Variants in NCOR2 observed in about 807,000 individuals in gnomAD.
NCOR2 encodes the protein CTG repeat protein 26.
Under a neutral mutation model 262.9 loss-of-function variants are expected in NCOR2, and 81 were observed. That is an observed-to-expected ratio of 0.31 (90% CI 0.26 to 0.37). NCOR2 has a LOEUF of 0.37. NCOR2 is among the 10% of genes least tolerant of loss of function. The pLI is 1.00. For missense variants in NCOR2, 3,385 were observed against 3,621.4 expected, an observed-to-expected ratio of 0.93 and a Z score of 1.68; for synonymous variants, 1,659 against 1,559.3, an observed-to-expected ratio of 1.06 and a Z score of -1.51.
rs2048858545 is a variant in NCOR2 at position 124,503,500 on chromosome 12, G to GATGGATT, written c.-117-8133_-117-8132insAATCCAT. Among the ~76,000 whole-genome samples the GATGGATT allele has an allele frequency of 3.4e-5, 4 of 118,282 alleles. No homozygotes were observed. Among genetic ancestry groups the GATGGATT allele is most frequent in the African/African-American group, 1.9e-4 (4 of 21,490 alleles). 77.6% of individuals were successfully genotyped at this position (118,282 alleles called of 152,430 possible). A position where few individuals can be genotyped will look rare whatever the true frequency, so the allele number is the denominator to read the frequency against. ...ATGGATGGATGATGGATTGATGGAT[G>GATGGATT]GATGGATGGATGGACAGAGGATGGA... On this transcript the variant is annotated intron_variant, in intron 1 of 46. Transcript: ENST00000404621. The surrounding 1 kb of genome is among the most constrained non-coding windows in gnomAD (Gnocchi z 4.3).
In NCOR2 at chr12:124,552,481, G is replaced by C. The variant is rs533358539; in HGVS notation, c.-165+14827C>G. ...TCTTCAGCCACAGCCCCCAGGTCAA[G>C]GTCAAGAAACTGAGGGGTCACTTAA... On this transcript the variant is annotated intron_variant, in intron 1 of 32. Coordinates refer to the NCOR2 transcript ENST00000458234. 1.8e-4 allele frequency among the ~76,000 whole-genome samples: 27 copies of C among 152,288 alleles called. No individual in the cohort carries two copies. The South Asian group carries it at 5.6e-3, about 32-fold the overall frequency.
chr12:124,567,525 T>G (rs1266991878), upstream of NCOR2: 1 of 145,860 alleles, frequency 6.9e-6, no homozygotes, highest in Admixed American at 6.8e-5. Context: ...GGCGCAGGGC[T>G]CGGGCGGGGC....
intron 25 of NCOR2, 71 bp from the exon 28 acceptor site, chr12:124,354,653 C>T (rs1272786339): frequency 3.5e-6 from 5 of 1,411,170 alleles, no homozygotes; most frequent in African/African-American, 1.4e-5. Flanking sequence ...CCCCACCCAA[C>T]CTGAGCCAGG....
At chr12:124,547,049 G>A (rs2051566821) in intron 1 of NCOR2, among the ~76,000 whole-genome samples, 1 of 152,048 alleles carries the variant, frequency 6.6e-6, no homozygotes, top group African/African-American at 2.4e-5. Flanking sequence ...GAGTGCAATG[G>A]TGCAATCTCG....
rs1219264253 is a variant in NCOR2 at position 124,481,993 on chromosome 12, T to A, written c.411+1603A>T. Among the ~76,000 whole-genome samples, 1 of 151,904 alleles carries A rather than the reference T, an allele frequency of 6.6e-6. No individual in the cohort carries two copies. Among genetic ancestry groups the A allele is most frequent in the African/African-American group, 2.4e-5 (1 of 41,400 alleles). ...GAATTGAGATATTTTAGGGCAGAGG[T>A]GTCAGGATTTGCTGATGGACTGGAA... is the stretch of plus-strand genomic sequence containing the variant. On this transcript the variant is annotated intron_variant, in intron 3 of 46. Coordinates refer to ENST00000405201, the Ensembl canonical transcript of NCOR2. This position sits in a 1 kb window ranked among gnomAD's most constrained non-coding sequence, Gnocchi z 4.6.
chr12:124,536,645 C>T (rs2051122930), upstream of NCOR2, among the ~76,000 whole-genome samples: 1 of 152,224 alleles, frequency 6.6e-6, no homozygotes, highest in Non-Finnish European at 1.5e-5. Flanking sequence ...AAACATGAGA[C>T]AGACAACATC....
intron 41 of NCOR2, among the ~76,000 whole-genome samples, chr12:124,333,917 TGCATGTGTGTGC>T (rs1566353892): frequency 1.5e-3 from 138 of 89,740 alleles, no homozygotes; most frequent in South Asian, 3.0e-3. Flanking sequence ...TGTGCGGGTG[TGCATGTGTGTGC>T]GCGCGCATGT....
rs2044004784 is a variant in NCOR2 at position 124,432,298 on chromosome 12, C to G, written c.883-1511G>C. Among the ~76,000 whole-genome samples, 1 of 152,154 alleles carries G rather than the reference C, an allele frequency of 6.6e-6. No homozygotes were observed. Among genetic ancestry groups the G allele is most frequent in the African/African-American group, 2.4e-5 (1 of 41,430 alleles). On this transcript the variant is annotated intron_variant, in intron 8 of 46. Transcript: ENST00000405201. The surrounding 1 kb of genome is among the most constrained non-coding windows in gnomAD (Gnocchi z 5.1). ...TGCATGGCTATCCAGCAGACGGGGG[C>G]CCCTGAAGAAAACCCACAGACTTCC...
In NCOR2 at chr12:124,526,563, C is replaced by A. The variant is rs184683563; in HGVS notation, c.-118+9002G>T. 1.4e-3 allele frequency among the ~76,000 whole-genome samples: 216 copies of A among 152,236 alleles called. 1 individual carries two copies. Among genetic ancestry groups the A allele is most frequent in the African/African-American group, 4.8e-3 (198 of 41,532 alleles). On this transcript the variant is annotated intron_variant, in intron 1 of 46. Transcript: ENST00000404621. ...TGGACAGCGAACGAGGACAAGACTGCCCCCAGCCACCCCCATCCTCTGTCC... is the reference window on the plus strand; with the variant it reads ...TGGACAGCGAACGAGGACAAGACTGACCCCAGCCACCCCCATCCTCTGTCC...
intron 46 of NCOR2, among the ~76,000 whole-genome samples, chr12:124,325,813 C>T (rs1243113471): frequency 6.6e-6 from 1 of 152,202 alleles, no homozygotes; most frequent in Non-Finnish European, 1.5e-5. Flanking sequence ...TAGCAGTAGC[C>T]TATTCACCGT....
At position 124,453,015 on chromosome 12, in the gene NCOR2, G is replaced by A. The variant is rs140991946; in HGVS notation, c.763-3148C>T. 9.9e-3 allele frequency among the ~76,000 whole-genome samples: 1,510 copies of A among 152,280 alleles called. 12 individuals are homozygous for A. The highest frequency in any genetic ancestry group is 0.014 in the Non-Finnish European group (963 of 67,988). On this transcript the variant is annotated intron_variant, in intron 6 of 46. Transcript: ENST00000405201. Reference sequence around the variant, plus strand: ...TGGGCCCAGAGCTGCCTGGAATGCCGTGCACCGCCATGGCAACAGGCTGAG... The same window carrying A: ...TGGGCCCAGAGCTGCCTGGAATGCCATGCACCGCCATGGCAACAGGCTGAG...
exon 31 of NCOR2, chr12:124,346,714 G>T: frequency 6.4e-7 from 1 of 1,566,108 alleles, no homozygotes; most frequent in African/African-American, 1.3e-5. Flanking sequence ...GCTTCAGGGG[G>T]CCCAGGGCCT....
At chr12:124,552,166 A>G (rs2051733454) in intron 1 of NCOR2, among the ~76,000 whole-genome samples, 1 of 151,972 alleles carries the variant, frequency 6.6e-6, no homozygotes. Context: ...CTAAAAATCA[A>G]AACAACTGGC....
At chr12:124,371,796 T>C in intron 20 of NCOR2, among the ~76,000 whole-genome samples, 1 of 152,060 alleles carries the variant, frequency 6.6e-6, no homozygotes, top group Non-Finnish European at 1.5e-5. Flanking sequence ...TGTCCGGGTC[T>C]CAGCTTGGAT....
Position 124,484,000 on chromosome 12 carries a change from G to A in NCOR2, c.234-227C>T, listed in dbSNP as rs1206974607. 6.6e-6 allele frequency among the ~76,000 whole-genome samples: 1 copy of A among 152,108 alleles called. No homozygotes were observed. Among genetic ancestry groups the A allele is most frequent in the Non-Finnish European group, 1.5e-5 (1 of 67,990 alleles). ...CATTCACCGAGGACATTTACAGGGAGGGAGTGTGCTACGGTGGCACTGGAA... is the reference window on the plus strand; with the variant it reads ...CATTCACCGAGGACATTTACAGGGAAGGAGTGTGCTACGGTGGCACTGGAA... On this transcript the variant is annotated intron_variant, in intron 2 of 46. Coordinates refer to ENST00000405201, the Ensembl canonical transcript of NCOR2. The surrounding 1 kb of genome is among the most constrained non-coding windows in gnomAD (Gnocchi z 6.3).
In NCOR2 at chr12:124,376,417, T is replaced by G. The variant is rs117696669; in HGVS notation, c.2167+1820A>C. Among the ~76,000 whole-genome samples, 105 of 152,152 alleles carry G rather than the reference T, an allele frequency of 6.9e-4. 1 individual carries two copies. In the East Asian group the frequency reaches 0.019, roughly 28 times the overall value. On this transcript the variant is annotated intron_variant, in intron 18 of 46. Transcript: ENST00000405201. ...GCCTGCATCCCGCCCATTCAGACAC[T>G]GGAGGGATATTTACAGAGGGGACTG... is the stretch of plus-strand genomic sequence containing the variant.
At chr12:124,338,001 C>A (rs866280824) in intron 37 of NCOR2, among the ~76,000 whole-genome samples, 3 of 152,236 alleles carry the variant, frequency 2.0e-5, no homozygotes, top group Non-Finnish European at 2.9e-5. Context: ...GTGTGCGGAA[C>A]CCTGCTCCCC....
chr12:124,351,281 A>T (rs61934025), intron 27 of NCOR2, among the ~76,000 whole-genome samples: 2 of 152,066 alleles, frequency 1.3e-5, no homozygotes, highest in African/African-American at 2.4e-5. Flanking sequence ...TCCTAAAACC[A>T]GGACAAGGAC....
At chr12:124,340,079 G>A in exon 37 of NCOR2, 1 of 1,613,038 alleles carries the variant, frequency 6.2e-7, no homozygotes, top group Middle Eastern at 1.7e-4. Context: ...AGCACACTGG[G>A]TCTCTGCTGG....
Sources: gnomAD v4.1 joint callset for allele counts (sites outside exome capture counted in the v4.1 genomes callset) on GRCh38, gnomAD v4.1.1 for gene constraint, Gnocchi (gnomAD v3.1) non-coding constraint, MANE v1.5 for transcripts, NCBI Gene and HGNC (gene_info 2026-07-23, HGNC 2026-07-21) for gene names.